The following HDAC6 variants were observed in gnomAD, a reference collection of about 807,000 sequenced individuals.
HDAC6 encodes histone deacetylase 6.
HDAC6 carries 5 observed loss-of-function variants against 88.9 expected under a neutral mutation model. The ratio of observed to expected loss-of-function variants is 0.06; its 90% CI spans 0.03 to 0.12. The LOEUF (loss-of-function observed/expected upper bound fraction) is 0.12. HDAC6 is among the 10% of genes least tolerant of loss of function. HDAC6 has a pLI of 1.00. For missense variants in HDAC6, 706 were observed against 1,014.4 expected (o/e 0.70, Z 4.13); for synonymous variants, 378 against 398.0 (o/e 0.95, Z 0.60).
intron 10 of HDAC6, 30 bp from the exon 11 acceptor site, chrX:48,814,410 C>A: frequency 8.3e-7 from 1 of 1,206,247 alleles, no homozygotes; most frequent in Non-Finnish European, 1.1e-6. Context: ...ACTTCTCCAA[C>A]TCTCTTACCT....
upstream of HDAC6, chrX:48,801,706 C>T (rs2062729090): frequency 2.1e-5 from 8 of 390,098 alleles, no homozygotes; most frequent in Non-Finnish European, 3.2e-5. Flanking sequence ...GCCCAGCTGG[C>T]GTAGCACGCC....
chrX:48,824,482 T>A (rs1425400731), intron 28 of HDAC6, 62 bp from the exon 29 acceptor site: 1 of 1,109,587 alleles, frequency 9.0e-7, no homozygotes, highest in Non-Finnish European at 1.2e-6. Context: ...GGGGCAGCCC[T>A]GCAGCCGAGG....
At position 48,819,923 on chromosome X, in the gene HDAC6, C is replaced by G. The variant is rs138154887; in HGVS notation, c.2188-183C>G. On this transcript the variant is annotated intron_variant, in intron 22 of 28. Coordinates refer to ENST00000334136, the MANE Select transcript of HDAC6 (RefSeq NM_006044.4). ...TCTGAGTCTGTATTTCTTTTCTTCCCTTCTTCATTTTCAGTCTCTGCTTTT... is the reference window on the plus strand; with the variant it reads ...TCTGAGTCTGTATTTCTTTTCTTCCGTTCTTCATTTTCAGTCTCTGCTTTT... 1,001 of 517,719 alleles carry G rather than the reference C, an allele frequency of 1.9e-3. 9 individuals carry two copies. The African/African-American group carries it at 0.021, about 11-fold the overall frequency. The allele number at this position is 517,719 out of a possible 1,213,427, so 42.7% of individuals were successfully genotyped here.
chrX:48,813,558 T>C (rs1557026349), intron 10 of HDAC6: 1 of 112,195 alleles, frequency 8.9e-6, no homozygotes, highest in Non-Finnish European at 1.9e-5. Flanking sequence ...AATGACCAGA[T>C]AGAAGGATGG....
rs782393826 is a variant in HDAC6, at chrX:48,816,524, G to A, written c.1682G>A (p.Arg561His). 1.8e-5 allele frequency: 22 copies of A among 1,207,950 alleles called. 1 individual carries two copies. Among genetic ancestry groups the A allele is most frequent in the Non-Finnish European group, 2.1e-5 (19 of 894,005 alleles). The change falls in exon 19 of 29, where the codon CGT becomes CAT. Residue 561 changes from arginine (R) to histidine (H), a missense_variant. By Grantham distance (29) the Arg-to-His change is conservative. Transcript: ENST00000334136. Reference protein sequence around the residue: ...TEKMKTRELHRESSNFDSIYI... With the variant: ...TEKMKTRELHHESSNFDSIYI... ...AAAATGAAAACCCGGGAGCTGCACC[G>A]TGAGAGTTCCAACTTTGACTCCATC...
chrX:48,805,116 T>C (rs1306067320), intron 4 of HDAC6, among the ~76,000 whole-genome samples: 4 of 111,576 alleles, frequency 3.6e-5, no homozygotes, highest in African/African-American at 1.3e-4. Flanking sequence ...TTACTCAGAA[T>C]GGGATGGGAG....
At position 48,802,956 on chromosome X, in the gene HDAC6, G is replaced by A; in HGVS notation, c.179G>A (p.Gly60Asp). Residue 60 changes from glycine (G) to aspartate (D), a missense_variant, in exon 3 of 29, where the codon GGC becomes GAC. By Grantham distance (94) the Gly-to-Asp change is moderately conservative. Transcript: ENST00000334136. ...AAGAAAGGCAAAATGAAGAAGCTCG[G>A]CCAAGCAATGGAAGAAGACCTAATC... is the stretch of plus-strand genomic sequence containing the variant. ...VKKKGKMKKL[G>D]QAMEEDLIVG... 1 of 1,210,852 alleles carries A rather than the reference G, an allele frequency of 8.3e-7. No individual in the cohort carries two copies.
chrX:48,817,582 T>A, intron 20 of HDAC6, 123 bp downstream of exon 20: 1 of 674,715 alleles, frequency 1.5e-6, no homozygotes, highest in Non-Finnish European at 2.2e-6. Context: ...CAGAAAGAAG[T>A]AAGGGTGCAG....
In HDAC6 at chrX:48,815,560, C is replaced by T. The variant is rs782054361; in HGVS notation, c.1257-15C>T. The T allele has an allele frequency of 2.5e-6, 3 of 1,207,404 alleles. No individual in the cohort carries two copies. The highest frequency in any genetic ancestry group is 2.2e-6 in the Non-Finnish European group (2 of 892,772). On this transcript the variant is annotated splice_polypyrimidine_tract_variant and intron_variant, in intron 15 of 28. Transcript: ENST00000334136. ...CCCACATTCCTTGACATCATATTTT[C>T]TCCCTGCCCTGCAGTGCCCAGGCTT...
chrX:48,823,142 A>G lies in HDAC6; in HGVS notation c.2743A>G (p.Thr915Ala). ...LTQDQPSEAA[T>A]GGATLAQTIS... is the part of the protein sequence containing the mutation. ...TCAGGACCAGCCCTCAGAGGCAGCC[A>G]CAGGGGGAGCCACTCTGGCCCAGAC... is the stretch of plus-strand genomic sequence containing the variant. Residue 915 changes from threonine (T) to alanine (A), a missense_variant, in exon 25 of 29, where the codon ACA becomes GCA. Thr to Ala is a moderately conservative substitution (Grantham distance 58, BLOSUM62 0). This residue lies in a region of HDAC6 where 89 missense variants were observed against 90.9 expected (regional missense o/e 0.98). Coordinates refer to ENST00000334136, the MANE Select transcript of HDAC6 (RefSeq NM_006044.4). 8.3e-7 allele frequency: 1 copy of G among 1,207,594 alleles called. No individual in the cohort carries two copies.
chrX:48,810,101 G>A (rs1248736489), intron 10 of HDAC6, among the ~76,000 whole-genome samples: 3 of 106,426 alleles, frequency 2.8e-5, no homozygotes, highest in Non-Finnish European at 3.9e-5. Context: ...TATTAGACAG[G>A]GTATCACTCT....
chrX:48,805,602 AC>A (rs782180146), intron 5 of HDAC6, 28 bp from the exon 6 acceptor site: 1 of 1,186,759 alleles, frequency 8.4e-7, no homozygotes, highest in South Asian at 1.8e-5. Context: ...TTAACCCTTT[AC>A]CCCACTTTAT....
At chrX:48,805,163 G>A (rs1301300470) in intron 4 of HDAC6, among the ~76,000 whole-genome samples, 1 of 111,726 alleles carries the variant, frequency 9.0e-6, no homozygotes, top group Admixed American at 9.5e-5. Flanking sequence ...GTTTTAACCA[G>A]TGTCTAGCTG....
chrX:48,821,760 G>A (rs1423003271), intron 23 of HDAC6, among the ~76,000 whole-genome samples: 2 of 110,957 alleles, frequency 1.8e-5, no homozygotes, highest in African/African-American at 6.6e-5. Flanking sequence ...TTCCCGCCTC[G>A]GCCTCCCAAA....
chrX:48,819,954 T>G (rs1557029143), intron 22 of HDAC6, 152 bp from the exon 23 acceptor site: 1 of 554,863 alleles, frequency 1.8e-6, no homozygotes, highest in Non-Finnish European at 3.1e-6. Context: ...CTTTTGTGTC[T>G]CCTAGTCTCC....
At chrX:48,805,732 G>A (rs1443721046) in intron 6 of HDAC6, 61 bp downstream of exon 6, 1 of 987,822 alleles carries the variant, frequency 1.0e-6, no homozygotes, top group Non-Finnish European at 1.4e-6. Context: ...ACCAGGGCAA[G>A]CTAAACGCTT....
At chrX:48,803,238 T>C in intron 4 of HDAC6, 22 bp downstream of exon 4, 1 of 1,135,152 alleles carries the variant, frequency 8.8e-7, no homozygotes, top group Non-Finnish European at 1.2e-6. Flanking sequence ...TCCTCCAGGC[T>C]GTCTCCAAAC....
Position 48,823,496 on chromosome X carries a change from C to T in HDAC6, c.3097C>T (p.Pro1033Ser), listed in dbSNP as rs782160694. 1.5e-5 allele frequency: 18 copies of T among 1,210,675 alleles called. No individual in the cohort carries two copies. The East Asian group carries it at 5.3e-4, about 36-fold the overall frequency. Reference sequence around the variant, plus strand: ...CTCGAGCACAGACCACCAGACCCCCCCAACCTCACCTGTGCAGGGAACTAC... The same window carrying T: ...CTCGAGCACAGACCACCAGACCCCCTCAACCTCACCTGTGCAGGGAACTAC... ...LASSTDHQTP[P>S]TSPVQGTTPQ... The change falls in exon 25 of 29, where the codon CCA (proline) becomes TCA (serine). Residue 1033 changes from proline (P) to serine (S), a missense_variant. Physicochemically the swap from Pro to Ser is moderately conservative, Grantham distance 74. Transcript: ENST00000334136.
intron 22 of HDAC6, 74 bp downstream of exon 22, chrX:48,818,486 CAT>C: frequency 2.3e-6 from 2 of 881,113 alleles, no homozygotes; most frequent in Non-Finnish European, 3.1e-6. Context: ...GCCTCCTTGG[CAT>C]GTGTGTGTGT....
Sources: gnomAD v4.1 joint callset for allele counts (sites outside exome capture counted in the v4.1 genomes callset) on GRCh38, gnomAD v4.1.1 for gene constraint, gnomAD v4.1.1 regional missense constraint, MANE v1.5 for transcripts, NCBI Gene and HGNC (gene_info 2026-07-23, HGNC 2026-07-21) for gene names.